Variants in BACH2 observed in about 807,000 individuals in gnomAD.
BACH2 encodes transcription regulator protein BACH2.
Under a neutral mutation model 61.8 loss-of-function variants are expected in BACH2, and 5 were observed. That is an observed-to-expected ratio of 0.08 (90% CI 0.04 to 0.17). BACH2 has a LOEUF of 0.17. BACH2 is among the 10% of genes least tolerant of loss of function. The probability of loss-of-function intolerance (pLI) is 1.00; values close to 1 mark genes in which losing one functional copy is unlikely to be tolerated. For missense variants in BACH2, 824 were observed against 1,091.1 expected, an observed-to-expected ratio of 0.76 and a Z score of 3.45; for synonymous variants, 446 against 440.1, an observed-to-expected ratio of 1.01 and a Z score of -0.17.
intron 7 of BACH2, among the ~76,000 whole-genome samples, chr6:89,938,642 T>A (rs1773174251): frequency 6.6e-6 from 1 of 152,210 alleles, no homozygotes; most frequent in Non-Finnish European, 1.5e-5. Flanking sequence ...TGTAGCACTT[T>A]TGTAAGAAAG....
intron 5 of BACH2, among the ~76,000 whole-genome samples, chr6:90,069,968 C>T (rs1356865173): frequency 6.6e-6 from 1 of 152,108 alleles, no homozygotes; most frequent in East Asian, 1.9e-4. Context: ...TGAGAAAGGA[C>T]ACTCCTCTCC....
chr6:90,028,440 T>A (rs1006016942), intron 5 of BACH2, among the ~76,000 whole-genome samples: 79 of 152,220 alleles, frequency 5.2e-4, no homozygotes, highest in Non-Finnish European at 1.9e-4. Flanking sequence ...CTTTTCCTAT[T>A]TTCTCTCTCT....
intron 4 of BACH2, among the ~76,000 whole-genome samples, chr6:90,184,424 C>A (rs1768277300): frequency 6.6e-6 from 1 of 152,134 alleles, no homozygotes; most frequent in Admixed American, 6.5e-5. Flanking sequence ...AGATTCTGAA[C>A]CTCATCAACA....
chr6:90,047,778 C>T (rs538926541), intron 5 of BACH2, among the ~76,000 whole-genome samples: 4 of 152,212 alleles, frequency 2.6e-5, no homozygotes, highest in African/African-American at 9.6e-5. Context: ...CAGCAAACCC[C>T]AAAACCAGAA....
Position 89,951,904 on chromosome 6 carries a change from C to T in BACH2, c.244-42G>A. On this transcript the variant is annotated intron_variant, in intron 6 of 8. Coordinates refer to ENST00000257749, the MANE Select transcript of BACH2 (RefSeq NM_021813.4). The surrounding 1 kb of genome is among the most constrained non-coding windows in gnomAD (Gnocchi z 6.4). ...GAAATCGCCAACATTACCATCAGCA[C>T]TGCTATTGTCCCGAATCCCTCAACT... 1 of 1,585,098 alleles carries T rather than the reference C, an allele frequency of 6.3e-7. No individual in the cohort carries two copies.
Position 90,116,954 on chromosome 6 carries a change from C to T in BACH2, c.-161-27845G>A, listed in dbSNP as rs140882283. ...AAGTACATGTGCAGCTTCAACTTCCCTCTGTGAAAATGATAGACATGGGTT... is the reference window on the plus strand; with the variant it reads ...AAGTACATGTGCAGCTTCAACTTCCTTCTGTGAAAATGATAGACATGGGTT... On this transcript the variant is annotated intron_variant, in intron 4 of 8. Transcript: ENST00000257749. The T allele has an allele frequency of 5.9e-5, 23 of 391,710 alleles. No individual in the cohort carries two copies. The East Asian group carries it at 1.2e-3, about 20-fold the overall frequency. The allele number at this position is 391,710 out of a possible 1,614,324, so 24.3% of individuals were successfully genotyped here.
intron 4 of BACH2, among the ~76,000 whole-genome samples, chr6:90,177,389 C>T (rs1402360272): frequency 2.6e-5 from 4 of 152,194 alleles, no homozygotes; most frequent in Non-Finnish European, 4.4e-5. Flanking sequence ...AGATCCCATA[C>T]TAAGCTTTTC....
At chr6:90,002,305 C>T (rs964010628) in intron 6 of BACH2, among the ~76,000 whole-genome samples, 4 of 152,218 alleles carry the variant, frequency 2.6e-5, no homozygotes, top group Non-Finnish European at 5.9e-5. Context: ...TCTATCTCCA[C>T]TCACTTCCTT....
At chr6:90,267,349 A>G (rs1368925568) in intron 2 of BACH2, among the ~76,000 whole-genome samples, 2 of 152,172 alleles carry the variant, frequency 1.3e-5, no homozygotes, top group African/African-American at 4.8e-5. Flanking sequence ...CAATCAGGGG[A>G]ACTCAAATTA....
intron 4 of BACH2, among the ~76,000 whole-genome samples, chr6:90,146,121 T>G (rs1197926718): frequency 6.6e-6 from 1 of 152,208 alleles, no homozygotes; most frequent in African/African-American, 2.4e-5. Flanking sequence ...ATTTTTAAGA[T>G]TAAATTTAGG....
intron 5 of BACH2, among the ~76,000 whole-genome samples, chr6:90,040,809 TATTTG>T (rs982117325): frequency 6.8e-4 from 103 of 152,286 alleles, no homozygotes; most frequent in African/African-American, 2.3e-3. Flanking sequence ...GTATATATTT[TATTTG>T]AACTTTTCTT....
intron 8 of BACH2, among the ~76,000 whole-genome samples, chr6:89,937,778 G>A (rs1255647265): frequency 4.6e-5 from 7 of 152,230 alleles, no homozygotes; most frequent in Admixed American, 1.3e-4. Flanking sequence ...TGATCCACCC[G>A]CCTTGGCCTT....
intron 1 of BACH2, among the ~76,000 whole-genome samples, chr6:90,288,351 C>G (rs145633708): frequency 6.6e-6 from 1 of 152,220 alleles, no homozygotes; most frequent in African/African-American, 2.4e-5. Flanking sequence ...AACACTGACA[C>G]ACTAAGCATC....
At chr6:90,024,877 C>T (rs148718867) in intron 5 of BACH2, among the ~76,000 whole-genome samples, 197 of 152,260 alleles carry the variant, frequency 1.3e-3, no homozygotes, top group African/African-American at 4.3e-3. Flanking sequence ...AGCAATAGTT[C>T]GGCATTCTCT....
At chr6:90,265,193 C>T (rs1771283918) in intron 2 of BACH2, among the ~76,000 whole-genome samples, 1 of 152,206 alleles carries the variant, frequency 6.6e-6, no homozygotes. Flanking sequence ...GGATCCACTT[C>T]ACCCTCAGAG....
intron 6 of BACH2, among the ~76,000 whole-genome samples, chr6:89,969,956 G>T (rs1314702513): frequency 6.6e-6 from 1 of 152,126 alleles, no homozygotes; most frequent in Non-Finnish European, 1.5e-5. Flanking sequence ...AGATGGTGGG[G>T]GTTGGGGGAT....
chr6:90,060,945 T>G (rs1780655276), intron 5 of BACH2, among the ~76,000 whole-genome samples: 1 of 152,210 alleles, frequency 6.6e-6, no homozygotes, highest in African/African-American at 2.4e-5. Flanking sequence ...ATATATGCAC[T>G]TAGCTACTTG....
At chr6:89,943,213 A>T (rs886293036) in intron 7 of BACH2, among the ~76,000 whole-genome samples, 1 of 152,074 alleles carries the variant, frequency 6.6e-6, no homozygotes, top group Admixed American at 6.5e-5. Context: ...TGGAACCTAC[A>T]TATGTCTCCT....
At chr6:90,059,198 C>T (rs7454272) in intron 5 of BACH2, among the ~76,000 whole-genome samples, 7,192 of 152,146 alleles carry the variant, frequency 0.047, 182 homozygotes, top group East Asian at 0.15. Context: ...ACCTACAGAA[C>T]GGGAGAAAAG....
Sources: allele counts gnomAD v4.1 joint callset (sites outside exome capture counted in the v4.1 genomes callset), GRCh38; gene constraint gnomAD v4.1.1; non-coding constraint Gnocchi (gnomAD v3.1); transcripts MANE v1.5; gene names NCBI Gene and HGNC (gene_info 2026-07-23, HGNC 2026-07-21).